The following FCER1A variants were observed in gnomAD, a reference collection of about 807,000 sequenced individuals.
The protein encoded by FCER1A is Fc epsilon receptor Ia, also known as high affinity immunoglobulin epsilon receptor subunit alpha.
FCER1A carries 24 observed loss-of-function variants against 23.6 expected under a neutral mutation model. The observed-to-expected ratio is 1.02, with a 90% confidence interval of 0.74 to 1.43. The LOEUF is 1.43. FCER1A is among the 40% of genes most tolerant of loss of function. The pLI is 0.00. For missense variants in FCER1A, 318 were observed against 294.5 expected (o/e 1.08, Z -0.58); for synonymous variants, 121 against 108.8 (o/e 1.11, Z -0.70).
At chr1:159,293,514 G>A (rs1314748985) in intron 1 of FCER1A, among the ~76,000 whole-genome samples, 2 of 150,174 alleles carry the variant, frequency 1.3e-5, no homozygotes, top group African/African-American at 2.5e-5. Flanking sequence ...TTTAGCATTA[G>A]GTATATCTCC....
chr1:159,303,828 G>A, intron 2 of FCER1A, 100 bp from the exon 3 acceptor site: 1 of 888,760 alleles, frequency 1.1e-6, no homozygotes, highest in Non-Finnish European at 1.7e-6. Flanking sequence ...GTTGACCACT[G>A]ATTGTCAGAA....
intron 4 of FCER1A, among the ~76,000 whole-genome samples, chr1:159,306,569 C>A (rs1009362648): frequency 6.6e-6 from 1 of 152,142 alleles, no homozygotes; most frequent in Non-Finnish European, 1.5e-5. Context: ...ATCTCAAAGT[C>A]ATCTGTTGCT....
upstream of FCER1A, among the ~76,000 whole-genome samples, chr1:159,299,329 G>T (rs1383152524): frequency 6.6e-6 from 1 of 152,140 alleles, no homozygotes; most frequent in African/African-American, 2.4e-5. Flanking sequence ...GATTGATTTG[G>T]TTTTTCTGCT....
chr1:159,284,960 C>A (rs1651980356), upstream of FCER1A, among the ~76,000 whole-genome samples: 1 of 152,210 alleles, frequency 6.6e-6, no homozygotes, highest in Non-Finnish European at 1.5e-5. Flanking sequence ...GATCAAGATT[C>A]AAATGAGCAC....
upstream of FCER1A, among the ~76,000 whole-genome samples, chr1:159,286,679 G>A (rs1455073885): frequency 6.6e-6 from 1 of 152,126 alleles, no homozygotes; most frequent in Non-Finnish European, 1.5e-5. Flanking sequence ...TCTTAATCAT[G>A]CCATTTCTTT....
At chr1:159,294,047 A>G (rs1033780834) in intron 1 of FCER1A, among the ~76,000 whole-genome samples, 5 of 152,138 alleles carry the variant, frequency 3.3e-5, no homozygotes, top group African/African-American at 1.2e-4. Flanking sequence ...TAGAATGGCA[A>G]CCATTAAAAA....
intron 3 of FCER1A, among the ~76,000 whole-genome samples, chr1:159,304,391 G>T (rs1652535680): frequency 6.6e-6 from 1 of 152,078 alleles, no homozygotes; most frequent in Non-Finnish European, 1.5e-5. Context: ...CACGAGGTCA[G>T]GAGATCGAGA....
intron 1 of FCER1A, among the ~76,000 whole-genome samples, chr1:159,295,485 T>G (rs1244005858): frequency 2.6e-5 from 4 of 152,212 alleles, no homozygotes; most frequent in Non-Finnish European, 5.9e-5. Flanking sequence ...CGTACAAATT[T>G]TCTAATTAAA....
At chr1:159,299,775 T>A (rs1414300519), upstream of FCER1A, among the ~76,000 whole-genome samples, 19 of 152,094 alleles carry the variant, frequency 1.2e-4, no homozygotes, top group Admixed American at 1.1e-3. Context: ...ACTTTTTTTT[T>A]TATATATAAG....
intron 1 of FCER1A, among the ~76,000 whole-genome samples, chr1:159,292,783 G>T (rs1652187906): frequency 6.6e-6 from 1 of 152,024 alleles, no homozygotes; most frequent in African/African-American, 2.4e-5. Flanking sequence ...AGAGGTAATT[G>T]GTTCATACAG....
chr1:159,288,142 G>A (rs1006400393), upstream of FCER1A, among the ~76,000 whole-genome samples: 3 of 152,158 alleles, frequency 2.0e-5, no homozygotes, highest in Non-Finnish European at 2.9e-5. Flanking sequence ...ACATTCACCA[G>A]AAAGTGAAAG....
chr1:159,292,951 C>T (rs1186453925), intron 1 of FCER1A, among the ~76,000 whole-genome samples: 2 of 151,858 alleles, frequency 1.3e-5, no homozygotes, highest in South Asian at 2.1e-4. Flanking sequence ...TCGGTGCCAC[C>T]TCGGGAATCT....
chr1:159,300,352 C>G (rs72713644), upstream of FCER1A, among the ~76,000 whole-genome samples: 5,525 of 152,124 alleles, frequency 0.036, 113 homozygotes, highest in Middle Eastern at 0.092. Context: ...GTTCACTGTC[C>G]TAGGAAAAAG....
chr1:159,286,575 G>GC (rs1422502035), upstream of FCER1A, among the ~76,000 whole-genome samples: 2 of 152,040 alleles, frequency 1.3e-5, no homozygotes, highest in Non-Finnish European at 2.9e-5. Flanking sequence ...CTTGTGATCC[G>GC]CCCGCCTTGG....
At chr1:159,297,847 C>T (rs1652335159), upstream of FCER1A, among the ~76,000 whole-genome samples, 1 of 151,984 alleles carries the variant, frequency 6.6e-6, no homozygotes. Flanking sequence ...CCGAGACTAG[C>T]TTGGGCAGCA....
rs542928315 is a variant in FCER1A at position 159,290,091 on chromosome 1, T to C, written c.-60+338T>C. Among the ~76,000 whole-genome samples the C allele has an allele frequency of 6.6e-5, 10 of 152,284 alleles. No homozygotes were observed. In the East Asian group the frequency reaches 1.9e-3, roughly 29 times the overall value. The stretch of plus-strand genomic sequence containing the variant: ...CCTTTGTAGGTTCTCCAGAAGAACC[T>C]ATGTCCCATGCATCTGCACAGCAAA... On this transcript the variant is annotated intron_variant, in intron 1 of 5. Coordinates refer to the FCER1A transcript ENST00000368115.
In FCER1A at chr1:159,302,951, C is replaced by A. The variant is rs140386098; in HGVS notation, c.76+77C>A. On this transcript the variant is annotated intron_variant, in intron 2 of 4. Transcript: ENST00000693622. ...TTTCCTCTCACTATTTTCTTCGTCC[C>A]ATCACTTCTGCTTTCTAATGAGCAT... The A allele has an allele frequency of 3.8e-3, 5,143 of 1,343,422 alleles. 18 individuals carry two copies. Among genetic ancestry groups the A allele is most frequent in the Non-Finnish European group, 4.0e-3 (3,714 of 932,576 alleles). 83.2% of individuals were successfully genotyped at this position (1,343,422 alleles called of 1,614,324 possible).
upstream of FCER1A, among the ~76,000 whole-genome samples, chr1:159,301,483 T>C (rs1197092601): frequency 6.6e-6 from 1 of 152,086 alleles, no homozygotes; most frequent in Non-Finnish European, 1.5e-5. Context: ...GGAAGTAAAA[T>C]AAAATAAATT....
At chr1:159,295,138 C>T (rs979490281) in intron 1 of FCER1A, among the ~76,000 whole-genome samples, 1 of 152,144 alleles carries the variant, frequency 6.6e-6, no homozygotes, top group Non-Finnish European at 1.5e-5. Context: ...CTAATTAACT[C>T]TTGCCCCTTG....
Sources: allele counts gnomAD v4.1 joint callset (sites outside exome capture counted in the v4.1 genomes callset), GRCh38; gene constraint gnomAD v4.1.1; transcripts MANE v1.5; gene names NCBI Gene and HGNC (gene_info 2026-07-23, HGNC 2026-07-21).